Variants in OCA2 observed in about 807,000 individuals in gnomAD.
The protein encoded by OCA2 is P protein.
OCA2 carries 77 observed loss-of-function variants against 100.2 expected under a neutral mutation model. The ratio of observed to expected loss-of-function variants is 0.77; its 90% CI spans 0.64 to 0.93. OCA2 has a LOEUF of 0.93. OCA2 is among the 40% of genes least tolerant of loss of function. The pLI is 0.00. For missense variants in OCA2, 1,062 were observed against 1,089.1 expected (o/e 0.98, Z 0.35); for synonymous variants, 432 against 439.2 (o/e 0.98, Z 0.21).
In OCA2 at chr15:28,027,493, G is replaced by A. The variant is rs1426779929; in HGVS notation, c.515+378C>T. Among the ~76,000 whole-genome samples, 3 of 152,292 alleles carry A rather than the reference G, an allele frequency of 2.0e-5. No individual in the cohort carries two copies. In the East Asian group the frequency reaches 5.8e-4, roughly 29 times the overall value. The stretch of plus-strand genomic sequence containing the variant: ...ACCCCACCCCTCAGGCTGTGCGCTG[G>A]GCCAGACCCACTCCTTCGTCAATAA... On this transcript the variant is annotated intron_variant, in intron 4 of 23. Coordinates refer to ENST00000354638, the MANE Select transcript of OCA2 (RefSeq NM_000275.3).
rs2041482761 is a variant in OCA2 at position 27,989,651 on chromosome 15, G to A, written c.1132C>T (p.His378Tyr). Residue 378 changes from histidine (H) to tyrosine (Y), a missense_variant, in exon 11 of 24, where the codon CAT (histidine) becomes TAT (tyrosine). His to Tyr is a moderately conservative substitution (Grantham distance 83). Transcript: ENST00000354638. ...AVIGDRPSLTHVVEWIDFETL... is the reference protein window; with the variant it reads ...AVIGDRPSLTYVVEWIDFETL... ...TCAAAATCAATCCACTCCACCACAT[G>A]GGTCAGGCTGGGTCTCTGCAATCAA... 6 of 1,614,118 alleles carry A rather than the reference G, an allele frequency of 3.7e-6. No homozygotes were observed. Among genetic ancestry groups the A allele is most frequent in the Non-Finnish European group, 5.1e-6 (6 of 1,180,004 alleles).
intron 19 of OCA2, among the ~76,000 whole-genome samples, chr15:27,878,033 GTACT>G (rs2036862177): frequency 6.7e-6 from 1 of 150,256 alleles, no homozygotes. Flanking sequence ...TTATATTTTA[GTACT>G]TACTCCGTGA....
intron 23 of OCA2, among the ~76,000 whole-genome samples, chr15:27,803,492 C>A (rs965203280): frequency 3.9e-5 from 6 of 152,264 alleles, no homozygotes; most frequent in African/African-American, 1.4e-4. Context: ...CACGAAATGA[C>A]AAATACTATA....
At chr15:28,070,358 G>T (rs1362017781) in intron 2 of OCA2, among the ~76,000 whole-genome samples, 1 of 142,380 alleles carries the variant, frequency 7.0e-6, no homozygotes, top group African/African-American at 2.7e-5. Flanking sequence ...TCCGGGAGGT[G>T]AGGGGCACCT....
At chr15:27,764,993 T>A (rs888673858) in intron 23 of OCA2, among the ~76,000 whole-genome samples, 3 of 152,210 alleles carry the variant, frequency 2.0e-5, no homozygotes, top group Admixed American at 2.0e-4. Context: ...GGATTATTCA[T>A]GCGTTTTCCA....
intron 23 of OCA2, among the ~76,000 whole-genome samples, chr15:27,825,645 AG>A (rs1048479663): frequency 1.3e-5 from 2 of 152,198 alleles, no homozygotes; most frequent in African/African-American, 2.4e-5. Context: ...GACGCCAACC[AG>A]GCATTTTAGG....
At chr15:27,783,197 G>A (rs531036162) in intron 23 of OCA2, among the ~76,000 whole-genome samples, 1 of 152,238 alleles carries the variant, frequency 6.6e-6, no homozygotes, top group African/African-American at 2.4e-5. Context: ...GGGATTCTGG[G>A]GACCCCAAGC....
chr15:27,719,120 A>G, the OCA2 span, among the ~76,000 whole-genome samples: 2 of 152,192 alleles, frequency 1.3e-5, no homozygotes, highest in Non-Finnish European at 2.9e-5. Context: ...ACTACTGCTC[A>G]AGCAGACAAG....
intron 23 of OCA2, among the ~76,000 whole-genome samples, chr15:27,834,474 G>A (rs1286474422): frequency 6.6e-6 from 1 of 152,192 alleles, no homozygotes; most frequent in Non-Finnish European, 1.5e-5. Context: ...CTGAGTCATT[G>A]CAGCGAACTA....
At chr15:28,030,811 A>C (rs888253581) in intron 3 of OCA2, among the ~76,000 whole-genome samples, 8 of 152,242 alleles carry the variant, frequency 5.3e-5, no homozygotes, top group Admixed American at 3.3e-4. Context: ...AAGCTGTTGA[A>C]ACTTTAAATT....
intron 2 of OCA2, among the ~76,000 whole-genome samples, chr15:28,040,411 G>T (rs2141456277): frequency 6.6e-6 from 1 of 152,182 alleles, no homozygotes; most frequent in Non-Finnish European, 1.5e-5. Flanking sequence ...AAAGAAGAAA[G>T]ATCACAAATT....
At chr15:27,839,787 C>T (rs996179969) in intron 23 of OCA2, among the ~76,000 whole-genome samples, 2 of 152,070 alleles carry the variant, frequency 1.3e-5, no homozygotes, top group African/African-American at 4.8e-5. Context: ...TATAAATGAC[C>T]TAGTATAATC....
rs554714658 is a variant in OCA2, at chr15:28,043,395, G to A, written c.228-11232C>T. Among the ~76,000 whole-genome samples the A allele has an allele frequency of 9.2e-4, 140 of 152,304 alleles. 1 individual carries two copies. The highest frequency in any genetic ancestry group is 3.3e-3 in the African/African-American group (136 of 41,558). On this transcript the variant is annotated intron_variant, in intron 2 of 23. Coordinates refer to ENST00000354638, the MANE Select transcript of OCA2 (RefSeq NM_000275.3). The surrounding 1 kb of genome is among the most constrained non-coding windows in gnomAD (Gnocchi z 4.4). Reference sequence around the variant, plus strand: ...ATGCATGGCTGTTTCTATCCAGCTTGCTGTGAAGCTGGTGATCGCTCAATA... The same window carrying A: ...ATGCATGGCTGTTTCTATCCAGCTTACTGTGAAGCTGGTGATCGCTCAATA...
chr15:27,737,758 T>G, the OCA2 span, among the ~76,000 whole-genome samples: 1 of 152,198 alleles, frequency 6.6e-6, no homozygotes, highest in Non-Finnish European at 1.5e-5. Context: ...TGCCTTAAAA[T>G]TAACAACTTT....
Position 27,869,753 on chromosome 15 carries a change from C to A in OCA2, c.2244+1401G>T, listed in dbSNP as rs151101750. Among the ~76,000 whole-genome samples, 449 of 152,230 alleles carry A rather than the reference C, an allele frequency of 2.9e-3. 5 individuals carry two copies. Among genetic ancestry groups the A allele is most frequent in the African/African-American group, 0.01 (423 of 41,562 alleles). The stretch of plus-strand genomic sequence containing the variant: ...ACTGTGGCCTCATTGGCTGGGACAG[C>A]GCGGAGTCTCCTGTGGACTGTGTTT... On this transcript the variant is annotated intron_variant, in intron 21 of 23. Transcript: ENST00000354638.
intron 19 of OCA2, among the ~76,000 whole-genome samples, chr15:27,885,262 T>C (rs2037178449): frequency 6.6e-6 from 1 of 152,210 alleles, no homozygotes; most frequent in Non-Finnish European, 1.5e-5. Flanking sequence ...ATGCAACCTA[T>C]AAATTAGAGC....
chr15:27,760,389 C>G (rs1390842990), intron 23 of OCA2, among the ~76,000 whole-genome samples: 2 of 151,384 alleles, frequency 1.3e-5, no homozygotes. Flanking sequence ...AATTTAAGTT[C>G]CCATCTTAAG....
At chr15:27,940,926 T>G (rs952290642) in intron 18 of OCA2, among the ~76,000 whole-genome samples, 4 of 152,252 alleles carry the variant, frequency 2.6e-5, no homozygotes. Flanking sequence ...TTGAGGAATT[T>G]AAATGTGACC....
chr15:27,745,555 C>CTT, the OCA2 span, among the ~76,000 whole-genome samples: 4 of 152,158 alleles, frequency 2.6e-5, no homozygotes, highest in African/African-American at 9.7e-5. Flanking sequence ...CTAGCCCTCA[C>CTT]CCAAGATGGA....
Sources: gnomAD v4.1 joint callset for allele counts (sites outside exome capture counted in the v4.1 genomes callset) on GRCh38, gnomAD v4.1.1 for gene constraint, Gnocchi (gnomAD v3.1) non-coding constraint, MANE v1.5 for transcripts, NCBI Gene and HGNC (gene_info 2026-07-23, HGNC 2026-07-21) for gene names.